Variants in NWD1 observed in about 807,000 individuals in gnomAD.
NWD1 encodes NACHT and WD repeat domain containing 1, also known as NACHT domain- and WD repeat-containing protein 1.
A neutral mutation model predicts 135.1 loss-of-function variants in NWD1; 129 were observed. That is an observed-to-expected ratio of 0.96 (90% CI 0.83 to 1.11). The LOEUF (loss-of-function observed/expected upper bound fraction) is 1.11, where lower values mean the gene tolerates loss of function less well. Among genes scored for constraint, NWD1 ranks in the 50% least tolerant of loss-of-function variants. The pLI, the probability that NWD1 is intolerant of heterozygous loss-of-function variation, is 0.00. For missense variants in NWD1, 1,740 were observed against 1,851.3 expected (o/e 0.94, Z 1.10); for synonymous variants, 773 against 786.0 (o/e 0.98, Z 0.28).
chr19:16,774,789 A>G (rs985341845), intron 11 of NWD1, among the ~76,000 whole-genome samples: 4 of 151,114 alleles, frequency 2.6e-5, no homozygotes. Context: ...CCCATCAGTC[A>G]TCCACCCCTC....
chr19:16,733,064 TAAA>T (rs1401166060), intron 3 of NWD1, among the ~76,000 whole-genome samples: 1 of 150,950 alleles, frequency 6.6e-6, no homozygotes, highest in South Asian at 2.1e-4. Flanking sequence ...TCTATAAAAT[TAAA>T]AAAATGAGCT....
In NWD1 at chr19:16,794,380, T is replaced by A. The variant is rs564224999; in HGVS notation, c.3214-83T>A. The stretch of plus-strand genomic sequence containing the variant: ...GACTCCATCTCAAAAACAAAAAAAA[T>A]AAAAATTAAAAAATTAAAAAATTCC... On this transcript the variant is annotated intron_variant, in intron 14 of 18. Coordinates refer to ENST00000524140, the MANE Select transcript of NWD1 (RefSeq NM_001007525.5). 3.3e-4 allele frequency: 255 copies of A among 773,908 alleles called. 1 individual carries two copies. The African/African-American group carries it at 3.4e-3, about 10-fold the overall frequency. 47.9% of individuals were successfully genotyped at this position (773,908 alleles called of 1,614,324 possible).
chr19:16,763,572 T>C (rs1446688809), intron 8 of NWD1, among the ~76,000 whole-genome samples: 1 of 152,124 alleles, frequency 6.6e-6, no homozygotes, highest in Admixed American at 6.6e-5. Flanking sequence ...GAGGCTCAGT[T>C]CCGATGCCTC....
At chr19:16,809,712 G>T (rs983247244) in intron 18 of NWD1, among the ~76,000 whole-genome samples, 5 of 151,624 alleles carry the variant, frequency 3.3e-5, no homozygotes, top group Non-Finnish European at 5.9e-5. Context: ...CCGCCACCAC[G>T]CCTGGCTAAT....
At chr19:16,779,214 G>A in intron 11 of NWD1, 129 bp from the exon 12 acceptor site, 1 of 1,029,690 alleles carries the variant, frequency 9.7e-7, no homozygotes, top group South Asian at 1.4e-5. Context: ...GCAGCTTTGG[G>A]CAAGGGACCA....
intron 4 of NWD1, among the ~76,000 whole-genome samples, chr19:16,738,720 T>C (rs865927270): frequency 7.0e-5 from 10 of 143,676 alleles, no homozygotes; most frequent in South Asian, 2.1e-4. Flanking sequence ...GCAAAACATA[T>C]ATATATAATC....
chr19:16,770,733 T>A (rs147048038), intron 10 of NWD1, among the ~76,000 whole-genome samples: 8 of 152,148 alleles, frequency 5.3e-5, no homozygotes, highest in African/African-American at 1.4e-4. Context: ...TCCACCCGTG[T>A]TGCCATCGAG....
chr19:16,761,765 C>T (rs1969021510), intron 7 of NWD1, among the ~76,000 whole-genome samples: 1 of 151,930 alleles, frequency 6.6e-6, no homozygotes, highest in South Asian at 2.1e-4. Flanking sequence ...TCAAATGTTC[C>T]TCTTTGAAAT....
chr19:16,744,674 T>G lies in NWD1; in HGVS notation c.452T>G (p.Leu151Arg). Residue 151 changes from leucine to arginine, a missense_variant, in exon 5 of 19, where the codon CTG becomes CGG. Coordinates refer to ENST00000524140, the MANE Select transcript of NWD1 (RefSeq NM_001007525.5). ...TCTGGAGCCCAGGAGGCCCGGAGGCTGGGGCTCATCACCCAGGAGCAGTGG... is the reference window on the plus strand; with the variant it reads ...TCTGGAGCCCAGGAGGCCCGGAGGCGGGGGCTCATCACCCAGGAGCAGTGG... ...LRSGAQEARR[L>R]GLITQEQWQH... is the part of the protein sequence containing the mutation. The G allele has an allele frequency of 6.5e-7, 1 of 1,535,956 alleles. No homozygotes were observed. The highest frequency in any genetic ancestry group is 8.7e-7 in the Non-Finnish European group (1 of 1,146,862).
At chr19:16,787,270 G>A (rs1362835089) in intron 12 of NWD1, among the ~76,000 whole-genome samples, 1 of 152,010 alleles carries the variant, frequency 6.6e-6, no homozygotes, top group African/African-American at 2.4e-5. Context: ...AGGACCACAG[G>A]TGCATGCCAC....
intron 2 of NWD1, among the ~76,000 whole-genome samples, chr19:16,728,740 T>G (rs552396258): frequency 3.3e-5 from 5 of 150,004 alleles, no homozygotes; most frequent in Non-Finnish European, 5.9e-5. Flanking sequence ...GTCAGGAGAT[T>G]GAGACCATCC....
chr19:16,797,328 CTTT>C (rs764836395), intron 15 of NWD1, among the ~76,000 whole-genome samples: 1 of 120,334 alleles, frequency 8.3e-6, no homozygotes, highest in African/African-American at 3.7e-5. Flanking sequence ...CAAAACATCT[CTTT>C]TTTTTTTTTT....
intron 10 of NWD1, 136 bp from the exon 11 acceptor site, chr19:16,772,990 C>A (rs569846381): frequency 1.4e-6 from 1 of 713,186 alleles, no homozygotes; most frequent in Non-Finnish European, 2.5e-6. Context: ...GAGACAGGAG[C>A]GGACAGCAGA....
Position 16,797,897 on chromosome 19 carries a change from A to G in NWD1, c.3459+11A>G. Reference sequence around the variant, plus strand: ...GATGCGCTCATTCAGGTGAGGGGAGATCTGGGACCCTTCATCCTCACCTCC... The same window carrying G: ...GATGCGCTCATTCAGGTGAGGGGAGGTCTGGGACCCTTCATCCTCACCTCC... On this transcript the variant is annotated intron_variant, in intron 16 of 18. Transcript: ENST00000524140. 1 of 1,606,908 alleles carries G rather than the reference A, an allele frequency of 6.2e-7. No individual in the cohort carries two copies.
chr19:16,766,883 A>AC (rs562755799), intron 10 of NWD1, among the ~76,000 whole-genome samples: 102 of 152,118 alleles, frequency 6.7e-4, no homozygotes, highest in Non-Finnish European at 9.3e-4. Context: ...ACTGTGCCTG[A>AC]CCCCCATCTT....
In NWD1 at chr19:16,763,910, C is replaced by A. The variant is rs746473346; in HGVS notation, c.2216C>A (p.Ser739Ter). ...GAGTTGCCCTATCACCTGCTTCACTCGGGCCGCCTGGAGGAGCTGAAACAG... is the reference window on the plus strand; with the variant it reads ...GAGTTGCCCTATCACCTGCTTCACTAGGGCCGCCTGGAGGAGCTGAAACAG... ...LKELPYHLLHSGRLEELKQEV... is the reference protein window; with the variant it reads ...LKELPYHLLH The change falls in exon 9 of 19, where the codon TCG becomes TAG. Residue 739 changes from serine to a stop codon, truncating the protein, a stop_gained. Transcript: ENST00000524140. LOFTEE classifies it high-confidence loss of function. The A allele has an allele frequency of 6.2e-6, 10 of 1,613,484 alleles. No homozygotes were observed. Among genetic ancestry groups the A allele is most frequent in the South Asian group, 1.1e-5 (1 of 91,052 alleles).
intron 3 of NWD1, among the ~76,000 whole-genome samples, chr19:16,732,599 A>T (rs12976099): frequency 0.55 from 62,636 of 113,144 alleles, 17,618 homozygotes; most frequent in African/African-American, 0.62. Flanking sequence ...TGGCTAGGGA[A>T]TTTTTTTTTT....
intron 1 of NWD1, among the ~76,000 whole-genome samples, chr19:16,722,115 GAAA>G (rs35982768): frequency 0.45 from 68,256 of 150,474 alleles, 15,500 homozygotes; most frequent in Middle Eastern, 0.6. Context: ...CCTGTCTCTT[GAAA>G]AAAACAACAA....
At chr19:16,758,716 G>A (rs1415878151) in intron 6 of NWD1, among the ~76,000 whole-genome samples, 1 of 152,016 alleles carries the variant, frequency 6.6e-6, no homozygotes, top group African/African-American at 2.4e-5. Context: ...GTTGAGGAGC[G>A]GGCCATTTAT....
Sources: gnomAD v4.1 joint callset for allele counts (sites outside exome capture counted in the v4.1 genomes callset) on GRCh38, gnomAD v4.1.1 for gene constraint, MANE v1.5 for transcripts, NCBI Gene and HGNC (gene_info 2026-07-23, HGNC 2026-07-21) for gene names.